PIK3CD: variants seen among roughly 807,000 people sequenced by gnomAD.
PIK3CD encodes the protein phosphatidylinositol 4,5-bisphosphate 3-kinase catalytic subunit delta isoform.
PIK3CD carries 20 observed loss-of-function variants against 122.9 expected under a neutral mutation model. That is an observed-to-expected ratio of 0.16 (90% CI 0.11 to 0.24). The LOEUF is 0.24. Among genes scored for constraint, PIK3CD ranks in the 10% least tolerant of loss-of-function variants. The pLI is 1.00. For synonymous variants in PIK3CD, 596 were observed against 593.4 expected (o/e 1.00, Z -0.06); for missense variants, 787 against 1,406.3 (o/e 0.56, Z 7.04).
intron 2 of PIK3CD, among the ~76,000 whole-genome samples, chr1:9,696,556 A>G (rs901172180): frequency 6.6e-6 from 1 of 152,044 alleles, no homozygotes; most frequent in African/African-American, 2.4e-5. Context: ...GTTTGAAAGC[A>G]GTCTGGGCAA....
rs975193664 is a variant in PIK3CD at position 9,678,155 on chromosome 1, A to C, written c.-137-13312A>C. 5.3e-5 allele frequency among the ~76,000 whole-genome samples: 8 copies of C among 151,764 alleles called. No homozygotes were observed. The East Asian group carries it at 7.7e-4, about 15-fold the overall frequency. Reference sequence around the variant, plus strand: ...GCGAAACTCCATCTCAAAAAAAAAAAAAACAAAAACAAAAAAACAAAAATC... The same window carrying C: ...GCGAAACTCCATCTCAAAAAAAAAACAAACAAAAACAAAAAAACAAAAATC... On this transcript the variant is annotated intron_variant, in intron 1 of 23. Transcript: ENST00000377346.
At position 9,710,517 on chromosome 1, in the gene PIK3CD, T is replaced by C. The variant is rs770275584; in HGVS notation, c.62T>C (p.Val21Ala). 1.2e-5 allele frequency: 20 copies of C among 1,614,040 alleles called. No homozygotes were observed. The highest frequency in any genetic ancestry group is 1.7e-5 in the Admixed American group (1 of 59,986). ...ACCAAGGAGGAGAATCAGAGCGTTG[T>C]GGTTGACTTCCTGCTGCCCACAGGG... Reference protein sequence around the residue: ...FWTKEENQSVVVDFLLPTGVY... With the variant: ...FWTKEENQSVAVDFLLPTGVY... Residue 21 changes from valine (V) to alanine (A), a missense_variant, in exon 3 of 24, where the codon GTG becomes GCG. Physicochemically the swap from Val to Ala is moderately conservative, Grantham distance 64 (BLOSUM62 0). Around this residue, in one of 6 missense-constraint regions of PIK3CD, gnomAD observed 592 missense variants for 920.6 expected, o/e 0.64. Coordinates refer to ENST00000377346, the MANE Select transcript of PIK3CD (RefSeq NM_005026.5). The surrounding 1 kb of genome is among the most constrained non-coding windows in gnomAD (Gnocchi z 4.7).
the PIK3CD span, among the ~76,000 whole-genome samples, chr1:9,638,967 A>G: frequency 0.019 from 2,933 of 151,722 alleles, 79 homozygotes; most frequent in South Asian, 0.08. Flanking sequence ...GGATTTTGCC[A>G]TGTTGCCCAG....
At chr1:9,697,561 A>T (rs867779405) in intron 2 of PIK3CD, among the ~76,000 whole-genome samples, 6 of 151,436 alleles carry the variant, frequency 4.0e-5, no homozygotes, top group Non-Finnish European at 8.8e-5. Flanking sequence ...TATTATTTAA[A>T]AAAAAAAAAA....
At chr1:9,647,366 C>T (rs1356307261), upstream of PIK3CD, among the ~76,000 whole-genome samples, 2 of 151,914 alleles carry the variant, frequency 1.3e-5, no homozygotes, top group East Asian at 3.9e-4. Flanking sequence ...CGCACTCCAG[C>T]CTGAGTGACA....
At chr1:9,698,500 T>C (rs977327531) in intron 2 of PIK3CD, among the ~76,000 whole-genome samples, 2 of 152,258 alleles carry the variant, frequency 1.3e-5, no homozygotes, top group African/African-American at 2.4e-5. Context: ...TAAATGTCTG[T>C]GCACTTAATG....
At chr1:9,657,350 C>T (rs927744276) in intron 1 of PIK3CD, among the ~76,000 whole-genome samples, 1 of 152,136 alleles carries the variant, frequency 6.6e-6, no homozygotes, top group African/African-American at 2.4e-5. Context: ...CCAATCAGCC[C>T]GCTTACAGAT....
rs932655103 is a variant in PIK3CD at position 9,728,609 on chromosome 1, C to A, written c.*1563C>A. The A allele has an allele frequency of 6.6e-6, 1 of 152,288 alleles. No homozygotes were observed. The highest frequency in any genetic ancestry group is 1.5e-5 in the Non-Finnish European group (1 of 68,064). 9.4% of individuals were successfully genotyped at this position (152,288 alleles called of 1,614,324 possible). On this transcript the variant is annotated 3_prime_UTR_variant, in exon 24 of 24. Coordinates refer to ENST00000377346, the MANE Select transcript of PIK3CD (RefSeq NM_005026.5). ...CCCGCGGGGCACCTCCCTGGCCACA[C>A]GCCTGTTCCCAGCAAGTGCTGAAAC...
chr1:9,706,772 G>A (rs1331743724), intron 2 of PIK3CD, among the ~76,000 whole-genome samples: 1 of 150,572 alleles, frequency 6.6e-6, no homozygotes, highest in Non-Finnish European at 1.5e-5. Flanking sequence ...TTTTATCTGT[G>A]CCTTTTCACT....
rs1204982634 is a variant in PIK3CD, at chr1:9,691,708, C to G, written c.-33+137C>G. 10 of 391,490 alleles carry G rather than the reference C, an allele frequency of 2.6e-5. No individual in the cohort carries two copies. The East Asian group carries it at 3.6e-4, about 14-fold the overall frequency. 24.3% of individuals were successfully genotyped at this position (391,490 alleles called of 1,614,324 possible). A position where few individuals can be genotyped will look rare whatever the true frequency, so the allele number is the denominator to read the frequency against. ...AGACTTCTCTGTAGGACTAGCACAC[C>G]CAGAGGAAGAGAGTGACCCAAATTG... On this transcript the variant is annotated intron_variant, in intron 2 of 23. Transcript: ENST00000377346.
At chr1:9,671,692 C>T (rs1001822257) in intron 1 of PIK3CD, among the ~76,000 whole-genome samples, 36 of 152,134 alleles carry the variant, frequency 2.4e-4, no homozygotes, top group African/African-American at 8.0e-4. Context: ...GAGATCCTCC[C>T]GCCTCGGCCC....
the PIK3CD span, among the ~76,000 whole-genome samples, chr1:9,629,105 G>A: frequency 6.6e-6 from 1 of 152,108 alleles, no homozygotes; most frequent in African/African-American, 2.4e-5. Context: ...TCCCCTGGGG[G>A]TCTCGGGCCA....
At position 9,720,303 on chromosome 1, in the gene PIK3CD, T is replaced by C; in HGVS notation, c.1470+61T>C. The C allele has an allele frequency of 1.3e-6, 2 of 1,556,176 alleles. No individual in the cohort carries two copies. Among genetic ancestry groups the C allele is most frequent in the South Asian group, 1.2e-5 (1 of 84,282 alleles). On this transcript the variant is annotated intron_variant, in intron 11 of 23. Transcript: ENST00000377346. The surrounding 1 kb of genome is among the most constrained non-coding windows in gnomAD (Gnocchi z 9.0). ...TGGCGCGGAGCTCTCCTGGCCCTGCTCCTGGAGCTCTTCAGAGGGTGCTCC... is the reference window on the plus strand; with the variant it reads ...TGGCGCGGAGCTCTCCTGGCCCTGCCCCTGGAGCTCTTCAGAGGGTGCTCC...
intron 1 of PIK3CD, chr1:9,653,432 G>A (rs145641281): frequency 1.3e-4 from 32 of 244,100 alleles, no homozygotes; most frequent in African/African-American, 7.0e-4. Flanking sequence ...TTTACAAGTA[G>A]TTTCTCCAGG....
the PIK3CD span, among the ~76,000 whole-genome samples, chr1:9,639,586 C>T: frequency 6.6e-6 from 1 of 152,218 alleles, no homozygotes; most frequent in Middle Eastern, 3.2e-3. Flanking sequence ...GGCTGAGCCC[C>T]CCACCCCGGC....
chr1:9,633,152 T>A, the PIK3CD span, among the ~76,000 whole-genome samples: 1 of 151,620 alleles, frequency 6.6e-6, no homozygotes, highest in African/African-American at 2.4e-5. Flanking sequence ...TGAGCCACCG[T>A]GCCTGATCAG....
chr1:9,656,023 G>T (rs958127157), intron 1 of PIK3CD, among the ~76,000 whole-genome samples: 2 of 152,142 alleles, frequency 1.3e-5, no homozygotes, highest in Non-Finnish European at 2.9e-5. Flanking sequence ...AGCACAGGGG[G>T]AGTGATCAGA....
At position 9,724,440 on chromosome 1, in the gene PIK3CD, C is replaced by T. The variant is rs1350720760; in HGVS notation, c.2864+19C>T. ...TTGAACGGTGAGAGTGCCTGAGCCCCACCAGATGCCCCTCGGTGTGGGGCC... is the reference window on the plus strand; with the variant it reads ...TTGAACGGTGAGAGTGCCTGAGCCCTACCAGATGCCCCTCGGTGTGGGGCC... On this transcript the variant is annotated intron_variant, in intron 22 of 23. Transcript: ENST00000377346. This position sits in a 1 kb window ranked among gnomAD's most constrained non-coding sequence, Gnocchi z 7.3. The T allele has an allele frequency of 6.2e-7, 1 of 1,613,850 alleles. No individual in the cohort carries two copies. The highest frequency in any genetic ancestry group is 1.1e-5 in the South Asian group (1 of 91,062).
At chr1:9,636,029 T>C in the PIK3CD span, among the ~76,000 whole-genome samples, 1 of 152,178 alleles carries the variant, frequency 6.6e-6, no homozygotes, top group South Asian at 2.1e-4. Flanking sequence ...TAATCTTACA[T>C]TTATGTATTT....
Sources: gnomAD v4.1 joint callset for allele counts (sites outside exome capture counted in the v4.1 genomes callset) on GRCh38, gnomAD v4.1.1 for gene constraint, gnomAD v4.1.1 regional missense constraint, Gnocchi (gnomAD v3.1) non-coding constraint, MANE v1.5 for transcripts, NCBI Gene and HGNC (gene_info 2026-07-23, HGNC 2026-07-21) for gene names.